Variants in EFCAB7 observed in about 807,000 individuals in gnomAD.
EFCAB7 encodes EF-hand calcium binding domain 7, also known as EF-hand calcium-binding domain-containing protein 7.
Under a neutral mutation model 77.1 loss-of-function variants are expected in EFCAB7, and 66 were observed. The observed-to-expected ratio is 0.86, with a 90% CI of 0.70 to 1.05. EFCAB7 has a LOEUF of 1.05. EFCAB7 is among the 50% of genes least tolerant of loss of function. The pLI, the probability that EFCAB7 is intolerant of heterozygous loss-of-function variation, is 0.00. For missense variants in EFCAB7, 638 were observed against 730.5 expected, an observed-to-expected ratio of 0.87 and a Z score of 1.46; for synonymous variants, 225 against 243.3, an observed-to-expected ratio of 0.92 and a Z score of 0.70.
chr1:63,553,432 C>T (rs188856756), intron 8 of EFCAB7, among the ~76,000 whole-genome samples: 27 of 152,166 alleles, frequency 1.8e-4, no homozygotes, highest in African/African-American at 3.9e-4. Flanking sequence ...CTCCGCCTCC[C>T]GGGTTCAAGT....
chr1:63,526,003 G>A (rs74078249), intron 2 of EFCAB7, among the ~76,000 whole-genome samples: 1,895 of 152,110 alleles, frequency 0.012, 45 homozygotes, highest in African/African-American at 0.044. Context: ...ATTACTACTT[G>A]CTTAAGATAC....
chr1:63,525,554 T>A lies in EFCAB7; in HGVS notation c.-1-18T>A, dbSNP rs764254810. ...TGACTCACATTGACAAACACATTTT[T>A]AAATTATTTTCCAATAGAATGGCGA... On this transcript the variant is annotated intron_variant, in intron 1 of 13. Coordinates refer to ENST00000371088, the MANE Select transcript of EFCAB7 (RefSeq NM_032437.4). 3.0e-5 allele frequency: 44 copies of A among 1,455,552 alleles called. 1 individual carries two copies. In the South Asian group the frequency reaches 5.3e-4, roughly 18 times the overall value. 90.2% of individuals were successfully genotyped at this position (1,455,552 alleles called of 1,614,324 possible). A position where few individuals can be genotyped will look rare whatever the true frequency, so the allele number is the denominator to read the frequency against.
At chr1:63,566,583 T>C (rs1647176082) in intron 11 of EFCAB7, among the ~76,000 whole-genome samples, 1 of 152,184 alleles carries the variant, frequency 6.6e-6, no homozygotes, top group South Asian at 2.1e-4. Flanking sequence ...ATTCAAATAT[T>C]GATCCTCTTT....
rs752714257 is a variant in EFCAB7 at position 63,571,120 on chromosome 1, T to G, written c.1807T>G (p.Ser603Ala). 6.2e-7 allele frequency: 1 copy of G among 1,604,750 alleles called. No individual in the cohort carries two copies. Among genetic ancestry groups the G allele is most frequent in the Non-Finnish European group, 8.5e-7 (1 of 1,174,768 alleles). ...ATTTGCAGTAGAAGTGGGACCCAAA[T>G]CTACAATGGTAATGTATTATTTTCT... ...NIFAVEVGPK[S>A]TMVCQHVMPL... Residue 603 changes from serine to alanine, a missense_variant, in exon 13 of 14, where the codon TCT becomes GCT. By Grantham distance (99) the Ser-to-Ala change is moderately conservative. Coordinates refer to ENST00000371088, the MANE Select transcript of EFCAB7 (RefSeq NM_032437.4).
At position 63,526,425 on chromosome 1, in the gene EFCAB7, A is replaced by G. The variant is rs1400587849; in HGVS notation, c.187+666A>G. Among the ~76,000 whole-genome samples, 4 of 152,294 alleles carry G rather than the reference A, an allele frequency of 2.6e-5. No individual in the cohort carries two copies. The East Asian group carries it at 7.7e-4, about 29-fold the overall frequency. On this transcript the variant is annotated intron_variant, in intron 2 of 13. Coordinates refer to ENST00000371088, the MANE Select transcript of EFCAB7 (RefSeq NM_032437.4). The stretch of plus-strand genomic sequence containing the variant: ...CAGTTTCATCAAGGCTAATAACTTT[A>G]TGGGTAGAGAAACTGAGTTATTTTG...
intron 2 of EFCAB7, among the ~76,000 whole-genome samples, chr1:63,528,839 T>C (rs1646643649): frequency 6.6e-6 from 1 of 152,222 alleles, no homozygotes; most frequent in Non-Finnish European, 1.5e-5. Flanking sequence ...ATATGTACCA[T>C]GATTCAGTTA....
chr1:63,524,558 GTTA>G (rs1390018970), intron 1 of EFCAB7, among the ~76,000 whole-genome samples: 66 of 152,306 alleles, frequency 4.3e-4, no homozygotes, highest in African/African-American at 1.4e-3. Context: ...CCCTACCTGT[GTTA>G]TCTTATTATT....
rs756881195 is a variant in EFCAB7, at chr1:63,525,613, A to G, written c.41A>G (p.Gln14Arg). 1.9e-6 allele frequency: 3 copies of G among 1,576,694 alleles called. No homozygotes were observed. In the South Asian group the frequency reaches 3.6e-5, roughly 19 times the overall value. The change falls in exon 2 of 14, where the codon CAG (glutamine) becomes CGG (arginine). Residue 14 changes from glutamine to arginine, a missense_variant. Transcript: ENST00000371088. ...SPRSDATFSSQKSTPSESPRT... is the reference protein window; with the variant it reads ...SPRSDATFSSRKSTPSESPRT... Reference sequence around the variant, plus strand: ...CGAAGCGATGCAACTTTCTCCAGTCAGAAATCAACACCTTCAGAGAGTCCT... The same window carrying G: ...CGAAGCGATGCAACTTTCTCCAGTCGGAAATCAACACCTTCAGAGAGTCCT...
intron 6 of EFCAB7, among the ~76,000 whole-genome samples, chr1:63,542,073 C>A (rs139288185): frequency 6.6e-6 from 1 of 152,106 alleles, no homozygotes; most frequent in Non-Finnish European, 1.5e-5. Flanking sequence ...TCATCTGGAA[C>A]TCTATTCATT....
At chr1:63,562,749 A>C (rs1022913604) in intron 11 of EFCAB7, among the ~76,000 whole-genome samples, 1 of 151,204 alleles carries the variant, frequency 6.6e-6, no homozygotes, top group Non-Finnish European at 1.5e-5. Context: ...GTCAGATTTA[A>C]AATATAGAAT....
intron 8 of EFCAB7, among the ~76,000 whole-genome samples, chr1:63,554,479 A>G (rs987003708): frequency 6.6e-6 from 1 of 152,194 alleles, no homozygotes; most frequent in African/African-American, 2.4e-5. Context: ...AGCTGGGATT[A>G]TAGGCGCCCG....
chr1:63,559,826 G>A (rs1450027849), intron 10 of EFCAB7, among the ~76,000 whole-genome samples: 1 of 152,140 alleles, frequency 6.6e-6, no homozygotes, highest in Non-Finnish European at 1.5e-5. Context: ...TCAAATATCA[G>A]TTGAATATAT....
intron 1 of EFCAB7, among the ~76,000 whole-genome samples, chr1:63,524,549 C>T (rs535411811): frequency 7.2e-5 from 11 of 152,202 alleles, no homozygotes; most frequent in Non-Finnish European, 1.6e-4. Context: ...TGAAGGGGAC[C>T]CTACCTGTGT....
At chr1:63,572,699 TG>T, downstream of EFCAB7, 1 of 975,222 alleles carries the variant, frequency 1.0e-6, no homozygotes, top group Non-Finnish European at 1.3e-6. Context: ...TTTCATTGTG[TG>T]GTGTTCTTAT....
chr1:63,585,285 G>A, the EFCAB7 span, among the ~76,000 whole-genome samples: 15 of 151,920 alleles, frequency 9.9e-5, no homozygotes, highest in East Asian at 2.9e-3. Flanking sequence ...AAATTTATGT[G>A]CATAGAATTT....
downstream of EFCAB7, among the ~76,000 whole-genome samples, chr1:63,575,058 G>A (rs17125138): frequency 0.075 from 11,366 of 151,906 alleles, 1,401 homozygotes; most frequent in African/African-American, 0.26. Flanking sequence ...ATTCAGTTCT[G>A]TTTACCCAGA....
At position 63,568,292 on chromosome 1, in the gene EFCAB7, ATT is replaced by A; in HGVS notation, c.1498-10_1498-9del. On this transcript the variant is annotated splice_polypyrimidine_tract_variant and intron_variant, in intron 11 of 13. Transcript: ENST00000371088. ...AATTCTATCAAAAGGCTGAAACAAG[ATT>A]TTTTTTTCCTATCAGGCATGTCCAT... 1 of 1,564,552 alleles carries A rather than the reference ATT, an allele frequency of 6.4e-7. No individual in the cohort carries two copies. Among genetic ancestry groups the A allele is most frequent in the Non-Finnish European group, 8.7e-7 (1 of 1,154,008 alleles).
intron 8 of EFCAB7, among the ~76,000 whole-genome samples, chr1:63,554,856 T>G (rs1647011277): frequency 6.6e-6 from 1 of 152,232 alleles, no homozygotes; most frequent in South Asian, 2.1e-4. Context: ...GATTAATTTA[T>G]ACAAATAGTA....
downstream of EFCAB7, among the ~76,000 whole-genome samples, chr1:63,573,050 G>A (rs184262359): frequency 2.0e-5 from 3 of 152,138 alleles, no homozygotes; most frequent in Non-Finnish European, 4.4e-5. Flanking sequence ...CGATGTGTAC[G>A]TGCAGGTCAC....
Sources: allele counts gnomAD v4.1 joint callset (sites outside exome capture counted in the v4.1 genomes callset), GRCh38; gene constraint gnomAD v4.1.1; transcripts MANE v1.5; gene names NCBI Gene and HGNC (gene_info 2026-07-23, HGNC 2026-07-21).